Variants in ATRNL1 observed in about 807,000 individuals in gnomAD.
ATRNL1 encodes attractin like 1.
ATRNL1 carries 95 observed loss-of-function variants against 182.7 expected under a neutral mutation model. The ratio of observed to expected loss-of-function variants is 0.52; its 90% confidence interval spans 0.44 to 0.62. The LOEUF is 0.62. Among genes scored for constraint, ATRNL1 ranks in the 20% least tolerant of loss-of-function variants. The pLI, the probability that ATRNL1 is intolerant of heterozygous loss-of-function variation, is 0.00. For missense variants in ATRNL1, 1,471 were observed against 1,679.5 expected, an observed-to-expected ratio of 0.88 and a Z score of 2.17; for synonymous variants, 576 against 568.3, an observed-to-expected ratio of 1.01 and a Z score of -0.19.
intron 26 of ATRNL1, among the ~76,000 whole-genome samples, chr10:115,609,703 T>C (rs1018727498): frequency 1.3e-5 from 2 of 152,052 alleles, no homozygotes; most frequent in Admixed American, 6.6e-5. Context: ...CAGTGTGTTG[T>C]GGGAGGAAGC....
At chr10:115,144,271 C>T (rs1188508641) in intron 5 of ATRNL1, among the ~76,000 whole-genome samples, 3 of 152,096 alleles carry the variant, frequency 2.0e-5, no homozygotes, top group Admixed American at 6.5e-5. Context: ...CCTCAGCCTC[C>T]GGAGTAGCTG....
intron 26 of ATRNL1, among the ~76,000 whole-genome samples, chr10:115,616,850 G>A (rs1360352814): frequency 1.3e-5 from 2 of 152,340 alleles, no homozygotes; most frequent in Non-Finnish European, 1.5e-5. Context: ...AGCCTGGATG[G>A]CCAGGCAGAA....
chr10:115,168,788 AAC>A (rs1847162081), intron 7 of ATRNL1, among the ~76,000 whole-genome samples: 1 of 151,888 alleles, frequency 6.6e-6, no homozygotes. Context: ...TATCTTTTTA[AAC>A]ACAAAAAATT....
At chr10:115,404,181 T>C (rs1379616010) in intron 20 of ATRNL1, among the ~76,000 whole-genome samples, 12 of 152,220 alleles carry the variant, frequency 7.9e-5, no homozygotes, top group African/African-American at 2.7e-4. Flanking sequence ...AGTTAAATGT[T>C]AGTTCTCCCA....
intron 27 of ATRNL1, among the ~76,000 whole-genome samples, chr10:115,847,001 T>C (rs1365752620): frequency 1.3e-5 from 2 of 152,204 alleles, no homozygotes; most frequent in Admixed American, 1.3e-4. Flanking sequence ...AATAAAATAC[T>C]AGCTATTACT....
At position 115,847,809 on chromosome 10, in the gene ATRNL1, A is replaced by T; in HGVS notation, c.3904-68A>T. The T allele has an allele frequency of 3.7e-6, 3 of 821,652 alleles. No homozygotes were observed. The South Asian group carries it at 4.2e-5, about 12-fold the overall frequency. 50.9% of individuals were successfully genotyped at this position (821,652 alleles called of 1,614,324 possible). ...TACAGCACAGCTACCTAAAGGATAG[A>T]TAAGGTGAAAATTAAAATAGCAATG... is the stretch of plus-strand genomic sequence containing the variant. On this transcript the variant is annotated intron_variant, in intron 27 of 28. Coordinates refer to ENST00000355044, the MANE Select transcript of ATRNL1 (RefSeq NM_207303.4).
intron 5 of ATRNL1, among the ~76,000 whole-genome samples, chr10:115,142,146 TG>T (rs1845778302): frequency 6.6e-6 from 1 of 152,016 alleles, no homozygotes; most frequent in African/African-American, 2.4e-5. Context: ...ATAAGTACAA[TG>T]GAAAATTAAA....
chr10:115,927,430 C>A (rs1443802746), intron 28 of ATRNL1, among the ~76,000 whole-genome samples: 1 of 152,042 alleles, frequency 6.6e-6, no homozygotes, highest in African/African-American at 2.4e-5. Flanking sequence ...CAGTAACTTC[C>A]TTTGAATTTT....
chr10:115,135,276 T>C (rs1554876337), intron 5 of ATRNL1, among the ~76,000 whole-genome samples: 1 of 152,132 alleles, frequency 6.6e-6, no homozygotes, highest in African/African-American at 2.4e-5. Context: ...TGATTGTATA[T>C]TTAGAAAACC....
At chr10:115,685,956 A>T (rs1486031935) in intron 26 of ATRNL1, among the ~76,000 whole-genome samples, 3 of 151,764 alleles carry the variant, frequency 2.0e-5, no homozygotes, top group Non-Finnish European at 4.4e-5. Flanking sequence ...TAATTGCCAA[A>T]TATGGAATAT....
chr10:115,405,840 C>G (rs1286147550), intron 20 of ATRNL1, among the ~76,000 whole-genome samples: 1 of 106,398 alleles, frequency 9.4e-6, no homozygotes, highest in Non-Finnish European at 1.8e-5. Flanking sequence ...TATCCCTCCC[C>G]CCTCCCCCCA....
chr10:115,794,904 A>G (rs1217365678), intron 27 of ATRNL1, among the ~76,000 whole-genome samples: 1 of 152,160 alleles, frequency 6.6e-6, no homozygotes, highest in Admixed American at 6.5e-5. Context: ...ACACCTTCCT[A>G]TTTTATTCAC....
chr10:115,349,923 A>G (rs1179656976), intron 19 of ATRNL1, among the ~76,000 whole-genome samples: 1 of 151,950 alleles, frequency 6.6e-6, no homozygotes, highest in African/African-American at 2.4e-5. Flanking sequence ...TACTTTGTTG[A>G]TTGTTAGCTG....
At chr10:115,768,539 C>T (rs1555075582) in intron 27 of ATRNL1, among the ~76,000 whole-genome samples, 1 of 151,850 alleles carries the variant, frequency 6.6e-6, no homozygotes, top group African/African-American at 2.4e-5. Flanking sequence ...ATTTTTTGAC[C>T]ATCGTTCTAC....
At chr10:115,613,628 G>C (rs1206905057) in intron 26 of ATRNL1, among the ~76,000 whole-genome samples, 1 of 152,094 alleles carries the variant, frequency 6.6e-6, no homozygotes, top group Non-Finnish European at 1.5e-5. Context: ...AAGTAGTTTA[G>C]AATTCAGCAG....
chr10:115,353,438 T>C (rs1856359718), intron 19 of ATRNL1, among the ~76,000 whole-genome samples: 1 of 152,208 alleles, frequency 6.6e-6, no homozygotes, highest in Non-Finnish European at 1.5e-5. Flanking sequence ...ATTTCCTTCA[T>C]TTTTAGTGTA....
At chr10:115,587,415 C>T (rs1855606778) in intron 26 of ATRNL1, among the ~76,000 whole-genome samples, 3 of 151,924 alleles carry the variant, frequency 2.0e-5, no homozygotes, top group African/African-American at 4.8e-5. Context: ...AGTGAGACTC[C>T]GTGGGCATAG....
chr10:115,389,570 A>ATATG (rs1843897960), intron 19 of ATRNL1, among the ~76,000 whole-genome samples: 1 of 115,986 alleles, frequency 8.6e-6, no homozygotes, highest in Non-Finnish European at 1.8e-5. Flanking sequence ...ATATATATAT[A>ATATG]TATATATATA....
chr10:115,564,726 A>G (rs1419552350), intron 26 of ATRNL1, among the ~76,000 whole-genome samples: 1 of 151,904 alleles, frequency 6.6e-6, no homozygotes, highest in African/African-American at 2.4e-5. Flanking sequence ...TCTATAGCCA[A>G]TCAGTGTTAT....
Sources: gnomAD v4.1 joint callset for allele counts (sites outside exome capture counted in the v4.1 genomes callset) on GRCh38, gnomAD v4.1.1 for gene constraint, MANE v1.5 for transcripts, NCBI Gene and HGNC (gene_info 2026-07-23, HGNC 2026-07-21) for gene names.